Variants in NEDD4L observed in about 807,000 individuals in gnomAD.
NEDD4L encodes E3 ubiquitin-protein ligase NEDD4-like.
Under a neutral mutation model 148.9 loss-of-function variants are expected in NEDD4L, and 54 were observed. The ratio of observed to expected loss-of-function variants is 0.36; its 90% CI spans 0.29 to 0.45. NEDD4L has a LOEUF of 0.45. NEDD4L is among the 20% of genes least tolerant of loss of function. The probability of loss-of-function intolerance (pLI) is 1.00; values close to 1 mark genes in which losing one functional copy is unlikely to be tolerated. For missense variants in NEDD4L, 856 were observed against 1,233.8 expected (o/e 0.69, Z 4.59); for synonymous variants, 433 against 440.7 (o/e 0.98, Z 0.22).
chr18:58,250,350 A>C (rs1036968010), intron 4 of NEDD4L, among the ~76,000 whole-genome samples: 1 of 152,086 alleles, frequency 6.6e-6, no homozygotes, highest in South Asian at 2.1e-4. Flanking sequence ...AGGTTTCACC[A>C]TGTTGGCCAG....
intron 2 of NEDD4L, among the ~76,000 whole-genome samples, chr18:58,168,816 T>A (rs1009089325): frequency 2.6e-5 from 4 of 152,206 alleles, no homozygotes; most frequent in Non-Finnish European, 2.9e-5. Flanking sequence ...TAGACAATGA[T>A]GTTTTTAAAA....
intron 2 of NEDD4L, among the ~76,000 whole-genome samples, chr18:58,179,817 A>G (rs1010710214): frequency 2.0e-5 from 3 of 152,112 alleles, no homozygotes; most frequent in Non-Finnish European, 4.4e-5. Context: ...GAAGAGTTGT[A>G]TAATTATTTC....
rs1014412399 is a variant in NEDD4L, at chr18:58,342,926, A to G, written c.1398A>G (p.Val466=). The change falls in exon 16 of 31, where the codon GTA becomes GTG. Residue 466 remains valine, a synonymous_variant. Coordinates refer to ENST00000400345, the MANE Select transcript of NEDD4L (RefSeq NM_001144967.3). ...TTTAGGGTGCCAAGGACTCACCCGT[A>G]CGTCGGGCTGTGAAAGACACCCTTT... ...APLEGAKDSP[V]RRAVKDTLSN... 39 of 1,611,368 alleles carry G rather than the reference A, an allele frequency of 2.4e-5. No individual in the cohort carries two copies. The highest frequency in any genetic ancestry group is 3.1e-5 in the Non-Finnish European group (36 of 1,178,818).
At chr18:58,387,000 G>A (rs1468972259) in intron 26 of NEDD4L, among the ~76,000 whole-genome samples, 3 of 152,106 alleles carry the variant, frequency 2.0e-5, no homozygotes, top group African/African-American at 7.2e-5. Context: ...CCTGGGAACT[G>A]GAGCATGGTT....
intron 5 of NEDD4L, among the ~76,000 whole-genome samples, chr18:58,286,801 A>C (rs73961557): frequency 3.2e-4 from 49 of 152,302 alleles, no homozygotes; most frequent in African/African-American, 1.1e-3. Flanking sequence ...AGATGTTGGG[A>C]CCACAGTGAT....
chr18:58,312,733 G>A (rs1258683923), intron 5 of NEDD4L, among the ~76,000 whole-genome samples: 1 of 152,212 alleles, frequency 6.6e-6, no homozygotes, highest in Non-Finnish European at 1.5e-5. Flanking sequence ...AGACTGGAGT[G>A]CAAGTGACAT....
intron 1 of NEDD4L, among the ~76,000 whole-genome samples, chr18:58,145,971 T>C (rs1039962446): frequency 1.3e-4 from 20 of 152,206 alleles, no homozygotes; most frequent in African/African-American, 4.8e-4. Flanking sequence ...TTCTGCTTCA[T>C]GAACAAGACC....
At chr18:58,149,098 T>C (rs1052937779) in intron 1 of NEDD4L, among the ~76,000 whole-genome samples, 3 of 152,174 alleles carry the variant, frequency 2.0e-5, no homozygotes, top group Non-Finnish European at 4.4e-5. Flanking sequence ...AGCTTTTGCG[T>C]GGGGAAAACA....
chr18:58,165,777 C>G lies in NEDD4L; in HGVS notation c.49-11C>G. 1 of 1,606,562 alleles carries G rather than the reference C, an allele frequency of 6.2e-7. No individual in the cohort carries two copies. The highest frequency in any genetic ancestry group is 8.5e-7 in the Non-Finnish European group (1 of 1,175,548). Reference sequence around the variant, plus strand: ...GGTTTTTAACCTCTTTTTTTGTTCTCCTTCTCACAGGGAGAGTCCCGTATT... The same window carrying G: ...GGTTTTTAACCTCTTTTTTTGTTCTGCTTCTCACAGGGAGAGTCCCGTATT... On this transcript the variant is annotated splice_polypyrimidine_tract_variant and intron_variant, in intron 1 of 30. Coordinates refer to ENST00000400345, the MANE Select transcript of NEDD4L (RefSeq NM_001144967.3).
chr18:58,059,972 G>A (rs1426053280), intron 1 of NEDD4L, among the ~76,000 whole-genome samples: 1 of 152,092 alleles, frequency 6.6e-6, no homozygotes, highest in Admixed American at 6.5e-5. Flanking sequence ...CATTTTATAG[G>A]TGGGGAAACT....
chr18:58,259,968 G>A (rs998918302), intron 5 of NEDD4L, among the ~76,000 whole-genome samples: 7 of 152,006 alleles, frequency 4.6e-5, no homozygotes, highest in East Asian at 3.8e-4. Context: ...TTTAATATAC[G>A]GCCATTTTTT....
intron 1 of NEDD4L, among the ~76,000 whole-genome samples, chr18:58,159,494 G>A (rs1033662971): frequency 8.5e-5 from 13 of 152,086 alleles, no homozygotes; most frequent in South Asian, 4.2e-4. Flanking sequence ...TAGGGGGTAC[G>A]TAGGAAATCT....
chr18:58,308,756 C>T (rs1444631351), intron 5 of NEDD4L, among the ~76,000 whole-genome samples: 24 of 152,218 alleles, frequency 1.6e-4, no homozygotes, highest in Non-Finnish European at 4.4e-5. Flanking sequence ...CTTCCTCCAC[C>T]GTCCTCCACT....
intron 29 of NEDD4L, among the ~76,000 whole-genome samples, chr18:58,390,969 C>G (rs535419589): frequency 2.0e-5 from 3 of 151,886 alleles, no homozygotes; most frequent in Admixed American, 2.0e-4. Context: ...GTGAAGAGGT[C>G]CATAAGGCTG....
intron 9 of NEDD4L, among the ~76,000 whole-genome samples, chr18:58,326,516 G>T (rs897789562): frequency 6.6e-6 from 1 of 152,132 alleles, no homozygotes; most frequent in Non-Finnish European, 1.5e-5. Context: ...GTAATCCATT[G>T]TAGCTATTTG....
At chr18:58,217,006 T>C (rs561161589) in intron 2 of NEDD4L, among the ~76,000 whole-genome samples, 3 of 152,352 alleles carry the variant, frequency 2.0e-5, no homozygotes, top group African/African-American at 7.2e-5. Context: ...TTTCAAATGC[T>C]TTGAGCAGAA....
Position 58,400,818 on chromosome 18 carries a change from T to G in NEDD4L, c.*4549T>G, listed in dbSNP as rs1487701261. Reference sequence around the variant, plus strand: ...GCCAGTTTTCCCCTTTTACTCAGACTGATTTCACCTAGATTGTCACGGTTT... The same window carrying G: ...GCCAGTTTTCCCCTTTTACTCAGACGGATTTCACCTAGATTGTCACGGTTT... On this transcript the variant is annotated 3_prime_UTR_variant, in exon 31 of 31. Coordinates refer to ENST00000400345, the MANE Select transcript of NEDD4L (RefSeq NM_001144967.3). The G allele has an allele frequency of 6.6e-6, 1 of 152,254 alleles. No homozygotes were observed. Among genetic ancestry groups the G allele is most frequent in the African/African-American group, 2.4e-5 (1 of 41,454 alleles). 9.4% of individuals were successfully genotyped at this position (152,254 alleles called of 1,614,324 possible).
At chr18:58,392,376 A>C (rs1387111485) in intron 30 of NEDD4L, among the ~76,000 whole-genome samples, 2 of 152,348 alleles carry the variant, frequency 1.3e-5, no homozygotes, top group African/African-American at 4.8e-5. Context: ...CTCTGGCCAT[A>C]GTGAGCTAAC....
Position 58,343,051 on chromosome 18 carries a change from C to T in NEDD4L, c.1523C>T (p.Ala508Val), listed in dbSNP as rs573738976. The change falls in exon 16 of 31, where the codon GCG becomes GTG. Residue 508 changes from alanine (A) to valine (V), a missense_variant. Physicochemically the swap from Ala to Val is moderately conservative, Grantham distance 64. Coordinates refer to ENST00000400345, the MANE Select transcript of NEDD4L (RefSeq NM_001144967.3). The stretch of plus-strand genomic sequence containing the variant: ...CCACCCGGCTGGGAAATGAGGATAG[C>T]GCCAAACGGCCGGCCCTTCTTCATT... ...FLPPGWEMRI[A>V]PNGRPFFIDH... The T allele has an allele frequency of 2.5e-6, 4 of 1,612,826 alleles. No individual in the cohort carries two copies. Among genetic ancestry groups the T allele is most frequent in the East Asian group, 2.2e-5 (1 of 44,818 alleles).
Sources: gnomAD v4.1 joint callset for allele counts (sites outside exome capture counted in the v4.1 genomes callset) on GRCh38, gnomAD v4.1.1 for gene constraint, MANE v1.5 for transcripts, NCBI Gene and HGNC (gene_info 2026-07-23, HGNC 2026-07-21) for gene names.